The following SLC4A8 variants were observed in gnomAD, a reference collection of about 807,000 sequenced individuals.
The protein encoded by SLC4A8 is electroneutral sodium bicarbonate exchanger 1.
SLC4A8 carries 40 observed loss-of-function variants against 125.0 expected under a neutral mutation model. That is an observed-to-expected ratio of 0.32 (90% confidence interval 0.25 to 0.42). The LOEUF is 0.42. Among genes scored for constraint, SLC4A8 ranks in the 10% least tolerant of loss-of-function variants. SLC4A8 has a pLI of 1.00. For synonymous variants in SLC4A8, 456 were observed against 476.0 expected (o/e 0.96, Z 0.55); for missense variants, 863 against 1,355.1 (o/e 0.64, Z 5.70).
upstream of SLC4A8, among the ~76,000 whole-genome samples, chr12:51,421,024 G>A (rs1458141165): frequency 6.6e-6 from 1 of 152,170 alleles, no homozygotes; most frequent in African/African-American, 2.4e-5. Context: ...TATGATGTGT[G>A]TGTGTGTGTG....
rs143553863 is a variant in SLC4A8, at chr12:51,403,059, A to AT, written c.-112+11580dup. The AT allele has an allele frequency of 8.3e-4, 249 of 300,712 alleles. 1 individual carries two copies. The highest frequency in any genetic ancestry group is 1.7e-3 in the South Asian group (67 of 38,874). The allele number at this position is 300,712 out of a possible 1,614,324, so 18.6% of individuals were successfully genotyped here. A position where few individuals can be genotyped will look rare whatever the true frequency, so the allele number is the denominator to read the frequency against. On this transcript the variant is annotated intron_variant, in intron 1 of 24. Coordinates refer to the SLC4A8 transcript ENST00000358657. ...TGGGTAAGTTGTTTAGCCTGTTTTCATTTTTTTTTAAAGGACAATTATATA... is the reference window on the plus strand; with the variant it reads ...TGGGTAAGTTGTTTAGCCTGTTTTCATTTTTTTTTTAAAGGACAATTATATA...
chr12:51,421,602 C>T (rs982242289), upstream of SLC4A8, among the ~76,000 whole-genome samples: 19 of 152,202 alleles, frequency 1.2e-4, no homozygotes, highest in African/African-American at 4.1e-4. Context: ...CCACTTCTGC[C>T]ATGGCTGGGA....
intron 10 of SLC4A8, among the ~76,000 whole-genome samples, chr12:51,463,290 C>T (rs1332579404): frequency 6.6e-6 from 1 of 152,076 alleles, no homozygotes; most frequent in African/African-American, 2.4e-5. Flanking sequence ...AGTAAGATTA[C>T]ACAGAGGCAG....
At chr12:51,506,496 A>G (rs1265969099) in intron 24 of SLC4A8, among the ~76,000 whole-genome samples, 5 of 150,890 alleles carry the variant, frequency 3.3e-5, no homozygotes, top group Admixed American at 2.6e-4. Context: ...GTGCAATGGC[A>G]CAATCTCAGC....
At chr12:51,441,431 C>T (rs560723054) in intron 2 of SLC4A8, among the ~76,000 whole-genome samples, 1 of 152,190 alleles carries the variant, frequency 6.6e-6, no homozygotes, top group African/African-American at 2.4e-5. Context: ...CTGCACCTCA[C>T]CCCCAGCTCC....
chr12:51,405,997 T>G (rs1948479221), intron 1 of SLC4A8, among the ~76,000 whole-genome samples: 1 of 152,212 alleles, frequency 6.6e-6, no homozygotes, highest in South Asian at 2.1e-4. Flanking sequence ...CAAATTGGAC[T>G]GTCTGGTTCC....
intron 19 of SLC4A8, among the ~76,000 whole-genome samples, chr12:51,490,540 G>C (rs1457664831): frequency 7.1e-6 from 1 of 141,070 alleles, no homozygotes; most frequent in African/African-American, 2.7e-5. Flanking sequence ...TCCAGCCAGG[G>C]CAACAGAGCG....
chr12:51,394,849 CAT>C (rs1948227131), intron 1 of SLC4A8, among the ~76,000 whole-genome samples: 1 of 152,036 alleles, frequency 6.6e-6, no homozygotes, highest in African/African-American at 2.4e-5. Context: ...GTTTAAAAAA[CAT>C]ATATGATAGT....
chr12:51,417,203 G>T (rs1246679640), intron 1 of SLC4A8, among the ~76,000 whole-genome samples: 1 of 152,108 alleles, frequency 6.6e-6, no homozygotes, highest in African/African-American at 2.4e-5. Flanking sequence ...TTATATTTGA[G>T]ACAGGGTCTC....
intron 11 of SLC4A8, among the ~76,000 whole-genome samples, chr12:51,465,253 C>T (rs535191345): frequency 1.2e-4 from 19 of 152,280 alleles, no homozygotes; most frequent in African/African-American, 3.9e-4. Context: ...AGGGTGTCCA[C>T]ACTTTAGGAA....
At position 51,463,677 on chromosome 12, in the gene SLC4A8, G is replaced by C; in HGVS notation, c.1312G>C (p.Gly438Arg). 1 of 1,614,040 alleles carries C rather than the reference G, an allele frequency of 6.2e-7. No individual in the cohort carries two copies. The highest frequency in any genetic ancestry group is 1.1e-5 in the South Asian group (1 of 91,068). The part of the protein sequence containing the change: ...NVCHIEQEPH[G>R]GHSGPELQRT... The stretch of plus-strand genomic sequence containing the variant: ...TTGCCACATAGAACAGGAACCACAT[G>C]GGGGTCACAGTGGGCCAGAACTTCA... Residue 438 changes from glycine to arginine, a missense_variant, in exon 11 of 25, where the codon GGG (glycine) becomes CGG (arginine). Gly to Arg is a moderately radical substitution (Grantham distance 125). Transcript: ENST00000453097.
At chr12:51,449,749 G>T (rs1949902803) in intron 2 of SLC4A8, among the ~76,000 whole-genome samples, 1 of 152,194 alleles carries the variant, frequency 6.6e-6, no homozygotes, top group Admixed American at 6.5e-5. Context: ...CAGGCTTATA[G>T]AAGGAATGAG....
chr12:51,497,517 T>C (rs1042948795), intron 22 of SLC4A8: 13 of 162,172 alleles, frequency 8.0e-5, no homozygotes, highest in Non-Finnish European at 1.6e-4. Flanking sequence ...GTTGGCACCA[T>C]GCAAAGATAA....
intron 1 of SLC4A8, among the ~76,000 whole-genome samples, chr12:51,411,172 C>G (rs556840102): frequency 6.7e-6 from 1 of 149,920 alleles, no homozygotes; most frequent in South Asian, 2.1e-4. Context: ...TGCATTTATG[C>G]TTTTTCTCCT....
In SLC4A8 at chr12:51,407,333, G is replaced by A. The variant is rs575043858; in HGVS notation, c.-112+15845G>A. ...GAGTTCAGTGGCACAATCATAGCTC[G>A]CTGTAGCCTGGAACTCTTAGGCTCA... On this transcript the variant is annotated intron_variant, in intron 1 of 24. Transcript: ENST00000358657. 3.9e-5 allele frequency among the ~76,000 whole-genome samples: 6 copies of A among 152,120 alleles called. No individual in the cohort carries two copies. The East Asian group carries it at 7.7e-4, about 20-fold the overall frequency.
intron 1 of SLC4A8, among the ~76,000 whole-genome samples, chr12:51,393,695 AGGGGTTCATC>A (rs1948206175): frequency 6.6e-6 from 1 of 152,162 alleles, no homozygotes. Context: ...AGGAGTAGAA[AGGGGTTCATC>A]TGCTCACTCT....
At position 51,511,094 on chromosome 12, in the gene SLC4A8, T is replaced by G. The variant is rs1938351308; in HGVS notation, c.*3656T>G. On this transcript the variant is annotated 3_prime_UTR_variant, in exon 25 of 25. Coordinates refer to ENST00000453097, the MANE Select transcript of SLC4A8 (RefSeq NM_001039960.3). The stretch of plus-strand genomic sequence containing the variant: ...CCATTGTTCATCTGTGAATGTTGAT[T>G]GGCCAACCTGTCTGAGCTTTCAGCA... The G allele has an allele frequency of 6.6e-6, 1 of 152,224 alleles. No individual in the cohort carries two copies. Among genetic ancestry groups the G allele is most frequent in the Non-Finnish European group, 1.5e-5 (1 of 68,044 alleles). 9.4% of individuals were successfully genotyped at this position (152,224 alleles called of 1,614,324 possible).
intron 1 of SLC4A8, among the ~76,000 whole-genome samples, chr12:51,439,873 G>A (rs1949538718): frequency 6.6e-6 from 1 of 152,200 alleles, no homozygotes; most frequent in African/African-American, 2.4e-5. Context: ...CAGGGTGTTA[G>A]TTTTGGAAGG....
chr12:51,467,428 G>A (rs866243303), intron 11 of SLC4A8: 3 of 152,190 alleles, frequency 2.0e-5, no homozygotes, highest in Non-Finnish European at 4.4e-5. Context: ...CAGAACCAGA[G>A]GAAAAGAGCA....
Sources: gnomAD v4.1 joint callset for allele counts (sites outside exome capture counted in the v4.1 genomes callset) on GRCh38, gnomAD v4.1.1 for gene constraint, MANE v1.5 for transcripts, NCBI Gene and HGNC (gene_info 2026-07-23, HGNC 2026-07-21) for gene names.